PIK3C2G: variants seen among roughly 807,000 people sequenced by gnomAD.
PIK3C2G encodes the protein phosphatidylinositol-4-phosphate 3-kinase catalytic subunit type 2 gamma.
In PIK3C2G, 168 loss-of-function variants were observed where a neutral mutation model predicts 181.1. That is an observed-to-expected ratio of 0.93 (90% CI 0.82 to 1.05). The LOEUF (loss-of-function observed/expected upper bound fraction) is 1.05, where lower values mean the gene tolerates loss of function less well. PIK3C2G is among the 50% of genes least tolerant of loss of function. The pLI is 0.00. For synonymous variants in PIK3C2G, 573 were observed against 592.2 expected (o/e 0.97, Z 0.47); for missense variants, 1,869 against 1,732.8 (o/e 1.08, Z -1.40).
chr12:18,575,901 A>T (rs1191832097), intron 29 of PIK3C2G, among the ~76,000 whole-genome samples: 1 of 152,226 alleles, frequency 6.6e-6, no homozygotes, highest in Non-Finnish European at 1.5e-5. Context: ...TAACAAAATC[A>T]TTAGCACATA....
At chr12:18,254,757 C>A (rs1948127279) in intron 1 of PIK3C2G, among the ~76,000 whole-genome samples, 1 of 151,862 alleles carries the variant, frequency 6.6e-6, no homozygotes, top group Admixed American at 6.6e-5. Context: ...GAGGCCGAGG[C>A]AAGAGAATTG....
At chr12:18,711,075 A>T in the PIK3C2G span, among the ~76,000 whole-genome samples, 1 of 152,116 alleles carries the variant, frequency 6.6e-6, no homozygotes, top group Non-Finnish European at 1.5e-5. Context: ...CTATAAAGAC[A>T]TATGCACATA....
At chr12:18,384,414 T>C (rs1943040617) in intron 14 of PIK3C2G, among the ~76,000 whole-genome samples, 1 of 152,216 alleles carries the variant, frequency 6.6e-6, no homozygotes, top group South Asian at 2.1e-4. Context: ...GTGGGGTGTG[T>C]AAGTGTAGAT....
In PIK3C2G at chr12:18,555,049, TG is replaced by T. The variant is rs199915853; in HGVS notation, c.3591-7652del. On this transcript the variant is annotated intron_variant, in intron 26 of 32. Coordinates refer to ENST00000538779, the MANE Select transcript of PIK3C2G (RefSeq NM_001288772.2). ...ATATATTATGAACTTACAGTATCAG[TG>T]GTAAAATAAAGAATGTTCTCATGCA... Among the ~76,000 whole-genome samples the T allele has an allele frequency of 5.8e-3, 880 of 152,268 alleles. 5 individuals carry two copies. Among genetic ancestry groups the T allele is most frequent in the African/African-American group, 0.02 (839 of 41,570 alleles).
In PIK3C2G at chr12:18,293,779, T is replaced by C. The variant is rs897705710; in HGVS notation, c.920-122T>C. 35 of 630,234 alleles carry C rather than the reference T, an allele frequency of 5.6e-5. 1 individual carries two copies. In the African/African-American group the frequency reaches 5.6e-4, roughly 10 times the overall value. 39.0% of individuals were successfully genotyped at this position (630,234 alleles called of 1,614,324 possible). On this transcript the variant is annotated intron_variant, in intron 4 of 32. Coordinates refer to ENST00000538779, the MANE Select transcript of PIK3C2G (RefSeq NM_001288772.2). The stretch of plus-strand genomic sequence containing the variant: ...CAGATGAATCTCAATTTAATTCCCC[T>C]TGATGAAGCTAGACAGTTACAATCC...
intron 1 of PIK3C2G, among the ~76,000 whole-genome samples, chr12:18,253,664 T>C (rs1032151214): frequency 1.3e-5 from 2 of 152,196 alleles, no homozygotes; most frequent in African/African-American, 2.4e-5. Context: ...CGCCACACTC[T>C]GGAGTTGTAG....
chr12:18,539,240 G>A (rs1309691347), intron 25 of PIK3C2G, among the ~76,000 whole-genome samples: 1 of 151,818 alleles, frequency 6.6e-6, no homozygotes, highest in Non-Finnish European at 1.5e-5. Flanking sequence ...TTCCTTATCT[G>A]TTAAATGAAG....
chr12:18,471,875 T>C (rs1938494713), intron 18 of PIK3C2G, among the ~76,000 whole-genome samples: 1 of 152,252 alleles, frequency 6.6e-6, no homozygotes, highest in African/African-American at 2.4e-5. Flanking sequence ...TTACCCATAG[T>C]CAATAATCAA....
intron 11 of PIK3C2G, 132 bp downstream of exon 11, chr12:18,346,968 C>A (rs571304282): frequency 1.2e-4 from 53 of 453,204 alleles, no homozygotes; most frequent in African/African-American, 1.0e-3. Flanking sequence ...ATAGTTTTAT[C>A]CATATTCTTA....
At chr12:18,670,995 T>G in the PIK3C2G span, among the ~76,000 whole-genome samples, 1 of 152,090 alleles carries the variant, frequency 6.6e-6, no homozygotes, top group Non-Finnish European at 1.5e-5. Context: ...CTGGACAACA[T>G]GGTGAAACCC....
intron 16 of PIK3C2G, among the ~76,000 whole-genome samples, chr12:18,404,084 T>C (rs1392546480): frequency 8.0e-6 from 1 of 125,414 alleles, no homozygotes; most frequent in Non-Finnish European, 1.7e-5. Flanking sequence ...AGAAAAGCAA[T>C]ATTTAACAGA....
intron 26 of PIK3C2G, among the ~76,000 whole-genome samples, chr12:18,561,657 A>T (rs1945351635): frequency 6.6e-6 from 1 of 152,146 alleles, no homozygotes; most frequent in Admixed American, 6.5e-5. Flanking sequence ...ATTGCTCTCA[A>T]CAGAGAATGA....
intron 31 of PIK3C2G, among the ~76,000 whole-genome samples, chr12:18,620,884 C>A (rs1350325919): frequency 6.6e-6 from 1 of 151,868 alleles, no homozygotes; most frequent in Non-Finnish European, 1.5e-5. Flanking sequence ...CGTTGCATAC[C>A]TATATATTTC....
At chr12:18,710,514 G>A in the PIK3C2G span, among the ~76,000 whole-genome samples, 2 of 151,884 alleles carry the variant, frequency 1.3e-5, no homozygotes, top group Non-Finnish European at 2.9e-5. Flanking sequence ...TTTTGAGTGA[G>A]GCCGAAGGCT....
intron 17 of PIK3C2G, 55 bp downstream of exon 17, chr12:18,421,089 A>G: frequency 1.0e-6 from 1 of 976,686 alleles, no homozygotes; most frequent in South Asian, 1.3e-5. Flanking sequence ...TTATCTCTAA[A>G]AGGTTCCTAA....
chr12:18,391,546 G>A (rs140358780), intron 15 of PIK3C2G, among the ~76,000 whole-genome samples: 38 of 152,286 alleles, frequency 2.5e-4, no homozygotes, highest in African/African-American at 9.1e-4. Flanking sequence ...ACATAGCAGT[G>A]ATAAACCATC....
intron 8 of PIK3C2G, among the ~76,000 whole-genome samples, chr12:18,332,612 C>A (rs1474072102): frequency 6.6e-6 from 1 of 152,070 alleles, no homozygotes; most frequent in Non-Finnish European, 1.5e-5. Flanking sequence ...AAGCAAAGGC[C>A]TTTTGCTTCT....
chr12:18,330,609 C>G (rs1159812632), intron 8 of PIK3C2G, among the ~76,000 whole-genome samples: 1 of 152,066 alleles, frequency 6.6e-6, no homozygotes, highest in Admixed American at 6.6e-5. Context: ...GGTGCCTGTT[C>G]AAATCTTTTG....
At chr12:18,246,582 ACT>A (rs1948042484), upstream of PIK3C2G, among the ~76,000 whole-genome samples, 1 of 151,672 alleles carries the variant, frequency 6.6e-6, no homozygotes, top group South Asian at 2.1e-4. Context: ...TTCCCCTCTG[ACT>A]CTCAATTTTT....
Sources: gnomAD v4.1 joint callset for allele counts (sites outside exome capture counted in the v4.1 genomes callset) on GRCh38, gnomAD v4.1.1 for gene constraint, MANE v1.5 for transcripts, NCBI Gene and HGNC (gene_info 2026-07-23, HGNC 2026-07-21) for gene names.